Variants in USP34 observed in about 807,000 individuals in gnomAD.
USP34 encodes ubiquitin carboxyl-terminal hydrolase 34.
USP34 carries 70 observed loss-of-function variants against 460.3 expected under a neutral mutation model. The ratio of observed to expected loss-of-function variants is 0.15; its 90% confidence interval spans 0.13 to 0.19. The LOEUF (loss-of-function observed/expected upper bound fraction) is 0.19, where lower values mean the gene tolerates loss of function less well. USP34 is among the 10% of genes least tolerant of loss of function. The pLI is 1.00. For synonymous variants in USP34, 1,647 were observed against 1,405.3 expected, an observed-to-expected ratio of 1.17 and a Z score of -3.85; for missense variants, 3,985 against 4,236.2, an observed-to-expected ratio of 0.94 and a Z score of 1.65.
chr2:61,429,611 T>C (rs775760344), intron 1 of USP34, among the ~76,000 whole-genome samples: 2 of 151,264 alleles, frequency 1.3e-5, no homozygotes, highest in African/African-American at 4.9e-5. Flanking sequence ...AGGGCAAGAC[T>C]ACCTCAAAAA....
In USP34 at chr2:61,447,428, T is replaced by G. The variant is rs368599597; in HGVS notation, c.43+23222A>C. Among the ~76,000 whole-genome samples, 32 of 152,314 alleles carry G rather than the reference T, an allele frequency of 2.1e-4. No individual in the cohort carries two copies. The East Asian group carries it at 6.2e-3, about 29-fold the overall frequency. ...AAATTTTATCACTGGCAATTAACAT[T>G]ATCAGTCTTCCTTGAAGTGACATGC... On this transcript the variant is annotated intron_variant, in intron 1 of 79. Transcript: ENST00000398571.
chr2:61,279,410 C>T (rs908956488), intron 39 of USP34, among the ~76,000 whole-genome samples: 7 of 152,162 alleles, frequency 4.6e-5, no homozygotes, highest in Non-Finnish European at 1.0e-4. Flanking sequence ...TTTTAGTCGA[C>T]TAAATTTATG....
intron 1 of USP34, among the ~76,000 whole-genome samples, chr2:61,429,481 G>C (rs971424406): frequency 1.3e-5 from 2 of 152,112 alleles, no homozygotes; most frequent in African/African-American, 4.8e-5. Flanking sequence ...AATAAAATTA[G>C]CTGGGTGTGG....
intron 2 of USP34, among the ~76,000 whole-genome samples, chr2:61,418,403 C>T (rs1182274147): frequency 1.3e-5 from 2 of 152,152 alleles, no homozygotes; most frequent in African/African-American, 4.8e-5. Flanking sequence ...TTGAAGTAAA[C>T]ATTCTCCATT....
intron 41 of USP34, among the ~76,000 whole-genome samples, chr2:61,268,235 A>G (rs1303545324): frequency 1.3e-5 from 2 of 152,032 alleles, no homozygotes; most frequent in Non-Finnish European, 2.9e-5. Flanking sequence ...CTGTAATAAA[A>G]TATTGTAAAC....
At chr2:61,462,158 G>A (rs1695619268) in intron 1 of USP34, among the ~76,000 whole-genome samples, 1 of 151,596 alleles carries the variant, frequency 6.6e-6, no homozygotes, top group Non-Finnish European at 1.5e-5. Flanking sequence ...AAAATCGCTT[G>A]AACCCGGGAG....
At chr2:61,402,038 G>A (rs1693736648) in intron 3 of USP34, among the ~76,000 whole-genome samples, 1 of 151,622 alleles carries the variant, frequency 6.6e-6, no homozygotes, top group South Asian at 2.1e-4. Flanking sequence ...ATCACCTGAG[G>A]CCATGAGTTC....
At position 61,385,057 on chromosome 2, in the gene USP34, A is replaced by G. The variant is rs926870919; in HGVS notation, c.754-1721T>C. On this transcript the variant is annotated intron_variant, in intron 5 of 79. Coordinates refer to ENST00000398571, the MANE Select transcript of USP34 (RefSeq NM_014709.4). The stretch of plus-strand genomic sequence containing the variant: ...CAAATATGCACACACCTATCTATAC[A>G]TACACACAACACCCTATATATGTTC... 1.4e-4 allele frequency among the ~76,000 whole-genome samples: 22 copies of G among 152,258 alleles called. No individual in the cohort carries two copies. The Middle Eastern group carries it at 0.01, about 71-fold the overall frequency.
At position 61,406,012 on chromosome 2, in the gene USP34, T is replaced by G; in HGVS notation, c.248A>C (p.Lys83Thr). The G allele has an allele frequency of 6.2e-7, 1 of 1,613,878 alleles. No homozygotes were observed. Among genetic ancestry groups the G allele is most frequent in the Middle Eastern group, 1.7e-4 (1 of 6,060 alleles). Residue 83 changes from lysine to threonine, a missense_variant, in exon 3 of 80, where the codon AAA (lysine) becomes ACA (threonine). By Grantham distance (78) the Lys-to-Thr change is moderately conservative. Coordinates refer to ENST00000398571, the MANE Select transcript of USP34 (RefSeq NM_014709.4). ...QVQVLRDQLC[K>T]HCTTINIDST... ...ATCTATGTTAATGGTAGTACAATGT[T>G]TACAAAGCTGGTCCCGGAGCACTTG...
intron 1 of USP34, among the ~76,000 whole-genome samples, chr2:61,437,814 T>TAAATAAATAAATAAATAAAA (rs1191482540): frequency 6.0e-5 from 9 of 150,108 alleles, no homozygotes; most frequent in South Asian, 2.1e-4. Flanking sequence ...AATAAATAAA[T>TAAATAAATAAATAAATAAAA]AAAAAACCTG....
At chr2:61,464,989 G>A (rs1345105094) in intron 1 of USP34, among the ~76,000 whole-genome samples, 1 of 152,010 alleles carries the variant, frequency 6.6e-6, no homozygotes, top group African/African-American at 2.4e-5. Flanking sequence ...ATCCTAAACA[G>A]AATGTAATCC....
intron 67 of USP34, among the ~76,000 whole-genome samples, chr2:61,215,660 G>A (rs1687374913): frequency 6.6e-6 from 1 of 152,138 alleles, no homozygotes; most frequent in Admixed American, 6.5e-5. Context: ...AAAGACCAAG[G>A]TCACACAGAT....
intron 1 of USP34, among the ~76,000 whole-genome samples, chr2:61,427,121 A>C (rs2421196): frequency 6.6e-6 from 1 of 152,006 alleles, no homozygotes; most frequent in South Asian, 2.1e-4. Flanking sequence ...TCTGCCTCCC[A>C]GGTTCACACC....
intron 10 of USP34, among the ~76,000 whole-genome samples, chr2:61,359,291 GA>G (rs918767548): frequency 2.4e-4 from 37 of 152,300 alleles, no homozygotes; most frequent in African/African-American, 8.7e-4. Context: ...ACCTTCATAT[GA>G]AAAAGGTCAA....
intron 1 of USP34, among the ~76,000 whole-genome samples, chr2:61,445,568 T>C (rs1455065973): frequency 6.9e-6 from 1 of 144,058 alleles, no homozygotes; most frequent in African/African-American, 2.6e-5. Context: ...AAGAGAAAAA[T>C]GATCCCGGAT....
Position 61,235,884 on chromosome 2 carries a change from C to T in USP34, c.6993G>A (p.Leu2331=), listed in dbSNP as rs1688054365. Residue 2331 remains leucine, a synonymous_variant, in exon 57 of 80, where the codon CTG becomes CTA. Coordinates refer to ENST00000398571, the MANE Select transcript of USP34 (RefSeq NM_014709.4). ...EKPTMLQWIE[L]LTKQFNNSQA... is the part of the protein sequence containing the mutation. ...GACTATTATTAAACTGTTTCGTCAA[C>T]AGTTCAATCCACTGAAGCATCGTGG... 2 of 1,613,586 alleles carry T rather than the reference C, an allele frequency of 1.2e-6. No homozygotes were observed. The highest frequency in any genetic ancestry group is 1.3e-5 in the African/African-American group (1 of 74,860).
In USP34 at chr2:61,278,438, C is replaced by T. The variant is rs543804965; in HGVS notation, c.5262G>A (p.Thr1754=). 2.2e-5 allele frequency: 35 copies of T among 1,569,760 alleles called. No homozygotes were observed. The highest frequency in any genetic ancestry group is 1.7e-4 in the South Asian group (14 of 82,624). Residue 1754 remains threonine, a synonymous_variant, in exon 40 of 80, where the codon ACG becomes ACA. Coordinates refer to ENST00000398571, the MANE Select transcript of USP34 (RefSeq NM_014709.4). The stretch of plus-strand genomic sequence containing the variant: ...TTGCCAAGGCATCTAAGTCGAGGAG[C>T]GTTGTCTTAATACAAAAAGAAAATA... ...NIHIKDASQT[T]LLDLDALARH... is the part of the protein sequence containing the mutation.
At chr2:61,469,491 A>G (rs1034269116) in intron 1 of USP34, among the ~76,000 whole-genome samples, 2 of 152,248 alleles carry the variant, frequency 1.3e-5, no homozygotes, top group Admixed American at 6.5e-5. Flanking sequence ...TATGTGCAAA[A>G]GCCTATTCCA....
At chr2:61,461,485 A>G (rs1695599748) in intron 1 of USP34, among the ~76,000 whole-genome samples, 1 of 152,182 alleles carries the variant, frequency 6.6e-6, no homozygotes, top group Admixed American at 6.5e-5. Context: ...ATGAATGGTT[A>G]AATTTACTAG....
Sources: gnomAD v4.1 joint callset for allele counts (sites outside exome capture counted in the v4.1 genomes callset) on GRCh38, gnomAD v4.1.1 for gene constraint, MANE v1.5 for transcripts, NCBI Gene and HGNC (gene_info 2026-07-23, HGNC 2026-07-21) for gene names.